The following FHOD3 variants were observed in gnomAD, a reference collection of about 807,000 sequenced individuals.
The protein encoded by FHOD3 is FH1/FH2 domain-containing protein 3.
Under a neutral mutation model 173.0 loss-of-function variants are expected in FHOD3, and 90 were observed. The observed-to-expected ratio is 0.52, with a 90% CI of 0.44 to 0.62. The LOEUF (loss-of-function observed/expected upper bound fraction) is 0.62. Among genes scored for constraint, FHOD3 ranks in the 20% least tolerant of loss-of-function variants. FHOD3 has a pLI of 0.00. For missense variants in FHOD3, 1,945 were observed against 2,034.7 expected (o/e 0.96, Z 0.85); for synonymous variants, 828 against 823.0 (o/e 1.01, Z -0.10).
At chr18:36,437,499 C>T (rs892174365) in intron 3 of FHOD3, among the ~76,000 whole-genome samples, 1 of 152,012 alleles carries the variant, frequency 6.6e-6, no homozygotes, top group Admixed American at 6.6e-5. Flanking sequence ...TGTATTGAGT[C>T]TAATGTTAAA....
chr18:36,594,777 C>T lies in FHOD3; in HGVS notation c.607-10C>T, dbSNP rs374426526. 364 of 1,605,846 alleles carry T rather than the reference C, an allele frequency of 2.3e-4. No homozygotes were observed. Among genetic ancestry groups the T allele is most frequent in the Non-Finnish European group, 3.0e-4 (350 of 1,173,482 alleles). On this transcript the variant is annotated splice_polypyrimidine_tract_variant and intron_variant, in intron 6 of 28. Coordinates refer to ENST00000590592, the MANE Select transcript of FHOD3 (RefSeq NM_001281740.3). The stretch of plus-strand genomic sequence containing the variant: ...TGGCAGTGATGTGATGGTTTTATCT[C>T]TTCTGCCAGTTCCGCCTGGTGGTGA...
chr18:36,445,832 G>A (rs528773903), intron 3 of FHOD3, among the ~76,000 whole-genome samples: 43 of 152,252 alleles, frequency 2.8e-4, no homozygotes, highest in Admixed American at 7.2e-4. Context: ...CCCTCGCTGC[G>A]GTCAGCCACA....
At chr18:36,404,427 G>A (rs1347223300) in intron 3 of FHOD3, among the ~76,000 whole-genome samples, 1 of 152,224 alleles carries the variant, frequency 6.6e-6, no homozygotes, top group African/African-American at 2.4e-5. Flanking sequence ...TGAGGTGAAA[G>A]TGTGAAAGAC....
chr18:36,529,865 G>T (rs374246358), intron 5 of FHOD3, among the ~76,000 whole-genome samples: 1 of 152,150 alleles, frequency 6.6e-6, no homozygotes. Flanking sequence ...ACTTAATTTG[G>T]AGTAGAATCC....
chr18:36,758,882 C>T (rs540426108), intron 25 of FHOD3, among the ~76,000 whole-genome samples: 29 of 152,254 alleles, frequency 1.9e-4, no homozygotes, highest in Middle Eastern at 3.4e-3. Flanking sequence ...GGCCCGGAGC[C>T]GTGTGAGTCC....
chr18:36,344,379 C>A (rs148126082), intron 1 of FHOD3, among the ~76,000 whole-genome samples: 1 of 152,148 alleles, frequency 6.6e-6, no homozygotes, highest in African/African-American at 2.4e-5. Flanking sequence ...GTGGGACACA[C>A]CTGTGCTTCC....
chr18:36,446,474 G>A (rs1418025957), intron 3 of FHOD3, among the ~76,000 whole-genome samples: 2 of 151,770 alleles, frequency 1.3e-5, no homozygotes, highest in African/African-American at 4.8e-5. Flanking sequence ...CTCCCAGAGA[G>A]GTCAGGCCTA....
chr18:36,606,421 T>C (rs73431698), intron 8 of FHOD3, among the ~76,000 whole-genome samples: 2,910 of 152,180 alleles, frequency 0.019, 100 homozygotes, highest in African/African-American at 0.067. Context: ...AACCTATTCC[T>C]TCAGTAAGTA....
chr18:36,636,485 G>A (rs1186024848), intron 10 of FHOD3, among the ~76,000 whole-genome samples: 1 of 152,124 alleles, frequency 6.6e-6, no homozygotes, highest in Non-Finnish European at 1.5e-5. Context: ...AGAAAGCCTG[G>A]GCACATTTGG....
At position 36,693,523 on chromosome 18, in the gene FHOD3, C is replaced by T. The variant is rs12964503; in HGVS notation, c.2236+100C>T. On this transcript the variant is annotated intron_variant, in intron 17 of 28. Coordinates refer to ENST00000590592, the MANE Select transcript of FHOD3 (RefSeq NM_001281740.3). ...TTCAACCTGCAGGCTAATACTGAGA[C>T]AGCAACTATGGGTACACTTTGTTGG... The T allele has an allele frequency of 0.041, 44,098 of 1,079,262 alleles. 1,155 individuals carry two copies. The highest frequency in any genetic ancestry group is 0.048 in the Middle Eastern group (177 of 3,676). The allele number at this position is 1,079,262 out of a possible 1,614,324, so 66.9% of individuals were successfully genotyped here.
intron 5 of FHOD3, among the ~76,000 whole-genome samples, chr18:36,519,966 T>TG (rs1036826068): frequency 2.0e-5 from 3 of 149,748 alleles, no homozygotes; most frequent in Non-Finnish European, 4.4e-5. Flanking sequence ...TTTTTTTTTT[T>TG]TTTTTTTAAA....
chr18:36,733,208 A>G (rs2041460408), intron 20 of FHOD3, among the ~76,000 whole-genome samples: 1 of 152,144 alleles, frequency 6.6e-6, no homozygotes, highest in Admixed American at 6.5e-5. Context: ...TTTCAGCCAA[A>G]TCTTTTACTG....
chr18:36,729,121 T>G (rs1480671890), intron 19 of FHOD3, among the ~76,000 whole-genome samples: 1 of 152,206 alleles, frequency 6.6e-6, no homozygotes, highest in Non-Finnish European at 1.5e-5. Context: ...TGCTCTGCTG[T>G]TGAGCTCCCT....
chr18:36,463,548 G>T (rs1401355981), intron 3 of FHOD3, among the ~76,000 whole-genome samples: 1 of 117,814 alleles, frequency 8.5e-6, no homozygotes, highest in Non-Finnish European at 1.9e-5. Flanking sequence ...CCCCAGGCTG[G>T]AGTGCAGTGG....
At chr18:36,637,582 A>G (rs1443726225) in intron 10 of FHOD3, among the ~76,000 whole-genome samples, 1 of 152,330 alleles carries the variant, frequency 6.6e-6, no homozygotes, top group African/African-American at 2.4e-5. Context: ...TGTGCCTCCC[A>G]TGTTCTTGGA....
chr18:36,629,168 G>T (rs1283607830), intron 10 of FHOD3, among the ~76,000 whole-genome samples: 1 of 152,074 alleles, frequency 6.6e-6, no homozygotes, highest in East Asian at 1.9e-4. Context: ...TCAGCAGCAG[G>T]GTCTGCAAAC....
chr18:36,578,920 A>G (rs1475901537), intron 6 of FHOD3, among the ~76,000 whole-genome samples: 2 of 152,040 alleles, frequency 1.3e-5, no homozygotes, highest in East Asian at 3.9e-4. Flanking sequence ...AGAAACAGCT[A>G]TGCTTTCCCT....
At chr18:36,468,080 G>C (rs934629934) in intron 3 of FHOD3, among the ~76,000 whole-genome samples, 9 of 152,162 alleles carry the variant, frequency 5.9e-5, no homozygotes, top group African/African-American at 2.2e-4. Context: ...CTGAAGTCAG[G>C]TGCTCCCATG....
At chr18:36,309,081 G>T (rs1300142893) in intron 1 of FHOD3, among the ~76,000 whole-genome samples, 3 of 152,202 alleles carry the variant, frequency 2.0e-5, no homozygotes. Flanking sequence ...TGTCCTGGAT[G>T]GTGTGGGCAT....
Sources: allele counts gnomAD v4.1 joint callset (sites outside exome capture counted in the v4.1 genomes callset), GRCh38; gene constraint gnomAD v4.1.1; transcripts MANE v1.5; gene names NCBI Gene and HGNC (gene_info 2026-07-23, HGNC 2026-07-21).